Variants in NAALADL2 observed in about 807,000 individuals in gnomAD.
NAALADL2 encodes the protein inactive N-acetylated-alpha-linked acidic dipeptidase-like protein 2.
A neutral mutation model predicts 87.2 loss-of-function variants in NAALADL2; 76 were observed. That is an observed-to-expected ratio of 0.87 (90% CI 0.72 to 1.05). The LOEUF (loss-of-function observed/expected upper bound fraction) is 1.05. Ranked by LOEUF, NAALADL2 falls within the 50% of genes least tolerant of loss-of-function variation. The pLI, the probability that NAALADL2 is intolerant of heterozygous loss-of-function variation, is 0.00. For missense variants in NAALADL2, 1,089 were observed against 945.8 expected, an observed-to-expected ratio of 1.15 and a Z score of -1.99; for synonymous variants, 354 against 331.0, an observed-to-expected ratio of 1.07 and a Z score of -0.75.
Position 174,962,412 on chromosome 3 carries a change from C to CATATATATAT in NAALADL2, c.43+102973_43+102982dup, listed in dbSNP as rs59026426. On this transcript the variant is annotated intron_variant, in intron 1 of 13. Coordinates refer to ENST00000454872, the MANE Select transcript of NAALADL2 (RefSeq NM_207015.3). The stretch of plus-strand genomic sequence containing the variant: ...TATATATATGTCATAGTGACTATGA[C>CATATATATAT]ATATATATATATATATATATGTATA... Among the ~76,000 whole-genome samples the CATATATATAT allele has an allele frequency of 1.7e-3, 151 of 88,910 alleles. 1 individual carries two copies. Among genetic ancestry groups the CATATATATAT allele is most frequent in the African/African-American group, 8.0e-3 (145 of 18,052 alleles). The allele number at this position is 88,910 out of a possible 152,430, so 58.3% of individuals were successfully genotyped here. A position where few individuals can be genotyped will look rare whatever the true frequency, so the allele number is the denominator to read the frequency against.
At chr3:174,782,794 G>C (rs1716151447) in intron 3 of NAALADL2, among the ~76,000 whole-genome samples, 1 of 152,078 alleles carries the variant, frequency 6.6e-6, no homozygotes, top group Non-Finnish European at 1.5e-5. Context: ...ATCAGATCTT[G>C]TGAGAAGTCA....
intron 13 of NAALADL2, among the ~76,000 whole-genome samples, chr3:175,757,071 A>C (rs1054302870): frequency 6.6e-6 from 1 of 151,664 alleles, no homozygotes; most frequent in Non-Finnish European, 1.5e-5. Flanking sequence ...GTGAAAGTCC[A>C]AATTTGTGGC....
intron 12 of NAALADL2, among the ~76,000 whole-genome samples, chr3:175,740,843 C>T (rs1272255163): frequency 3.3e-5 from 5 of 152,138 alleles, no homozygotes; most frequent in East Asian, 3.9e-4. Context: ...ATTTGCACTG[C>T]GGACTCGCCC....
At chr3:174,806,751 A>G (rs1037980282) in intron 3 of NAALADL2, among the ~76,000 whole-genome samples, 3 of 152,170 alleles carry the variant, frequency 2.0e-5, no homozygotes, top group Non-Finnish European at 4.4e-5. Flanking sequence ...CAGAATTTTC[A>G]GAAAGACATT....
intron 1 of NAALADL2, among the ~76,000 whole-genome samples, chr3:174,524,947 T>G (rs113660559): frequency 6.6e-6 from 1 of 152,312 alleles, no homozygotes; most frequent in African/African-American, 2.4e-5. Flanking sequence ...TATGTTTAGA[T>G]GTACAAACAC....
At chr3:175,132,987 C>G (rs907125748) in intron 2 of NAALADL2, among the ~76,000 whole-genome samples, 4 of 151,118 alleles carry the variant, frequency 2.6e-5, no homozygotes, top group African/African-American at 7.3e-5. Context: ...CGGGCAGAGA[C>G]GCTCCTCACC....
chr3:175,062,854 G>C (rs1383666463), intron 1 of NAALADL2, among the ~76,000 whole-genome samples: 1 of 152,042 alleles, frequency 6.6e-6, no homozygotes, highest in Non-Finnish European at 1.5e-5. Flanking sequence ...AAAGATGAAA[G>C]TGCTCATAGG....
At chr3:174,967,535 C>T (rs1256403736) in intron 1 of NAALADL2, among the ~76,000 whole-genome samples, 1 of 152,150 alleles carries the variant, frequency 6.6e-6, no homozygotes, top group Non-Finnish European at 1.5e-5. Context: ...TTGACCAATG[C>T]TATTTCAGAA....
At chr3:175,279,749 C>CCAA (rs1353312429) in intron 4 of NAALADL2, among the ~76,000 whole-genome samples, 1 of 150,962 alleles carries the variant, frequency 6.6e-6, no homozygotes, top group East Asian at 2.0e-4. Flanking sequence ...TCTGAATTTT[C>CCAA]CAACAATCGC....
chr3:174,787,602 T>TATATATACGTATATATATATACAC (rs1553855433), intron 3 of NAALADL2, among the ~76,000 whole-genome samples: 1 of 73,370 alleles, frequency 1.4e-5, no homozygotes, highest in African/African-American at 4.3e-5. Flanking sequence ...TATATATATA[T>TATATATACGTATATATATATACAC]ATATATATAT....
At chr3:175,321,060 T>A (rs1357665108) in intron 4 of NAALADL2, among the ~76,000 whole-genome samples, 6 of 150,888 alleles carry the variant, frequency 4.0e-5, no homozygotes, top group African/African-American at 1.5e-4. Flanking sequence ...CCAATATCCT[T>A]GATGAACATT....
At position 174,798,794 on chromosome 3, in the gene NAALADL2, T is replaced by C. The variant is rs114585873; in HGVS notation, c.-9+61048T>C. ...GTATTCTGCTACCTTGCTGAATTCA[T>C]TTATTTATTAGTTCTAATAGTTCTT... On this transcript the variant is annotated intron_variant, in intron 3 of 3. Transcript: ENST00000434257. 2.6e-3 allele frequency among the ~76,000 whole-genome samples: 393 copies of C among 152,306 alleles called. 2 individuals are homozygous for C. Among genetic ancestry groups the C allele is most frequent in the African/African-American group, 9.1e-3 (378 of 41,576 alleles).
intron 5 of NAALADL2, among the ~76,000 whole-genome samples, chr3:175,374,305 G>A (rs990301795): frequency 6.6e-6 from 1 of 151,602 alleles, no homozygotes; most frequent in African/African-American, 2.4e-5. Flanking sequence ...TGCAATCTCA[G>A]CACTTTGGGA....
intron 1 of NAALADL2, among the ~76,000 whole-genome samples, chr3:174,885,247 A>G (rs944407151): frequency 6.6e-6 from 1 of 152,150 alleles, no homozygotes; most frequent in Non-Finnish European, 1.5e-5. Context: ...CACTCGCATG[A>G]TAAGATCTTG....
intron 2 of NAALADL2, among the ~76,000 whole-genome samples, chr3:175,122,941 G>A (rs1287771055): frequency 6.6e-6 from 1 of 151,870 alleles, no homozygotes; most frequent in Non-Finnish European, 1.5e-5. Context: ...GCAAGAGAAT[G>A]TCAGCAAGAG....
intron 1 of NAALADL2, among the ~76,000 whole-genome samples, chr3:174,972,996 C>A (rs1449798479): frequency 1.8e-3 from 224 of 127,658 alleles, no homozygotes; most frequent in Middle Eastern, 4.5e-3. Flanking sequence ...AACTCTGTCT[C>A]AAAAAAAAAA....
intron 1 of NAALADL2, among the ~76,000 whole-genome samples, chr3:174,959,589 T>C (rs1195087127): frequency 6.6e-6 from 1 of 152,040 alleles, no homozygotes; most frequent in Non-Finnish European, 1.5e-5. Context: ...CATTAAATGA[T>C]GATCTGGGAA....
chr3:175,322,469 A>G (rs1581413409), intron 4 of NAALADL2, among the ~76,000 whole-genome samples: 1 of 102,820 alleles, frequency 9.7e-6, no homozygotes, highest in African/African-American at 5.1e-5. Context: ...AATGGCAACA[A>G]AAGACAAAAT....
At chr3:175,180,496 CTGAAATCAAGATAA>C (rs1479375644) in intron 2 of NAALADL2, among the ~76,000 whole-genome samples, 1 of 151,858 alleles carries the variant, frequency 6.6e-6, no homozygotes, top group East Asian at 1.9e-4. Flanking sequence ...GAAGGCAAGA[CTGAAATCAAGATAA>C]TGAAATCAAG....
Sources: gnomAD v4.1 joint callset for allele counts (sites outside exome capture counted in the v4.1 genomes callset) on GRCh38, gnomAD v4.1.1 for gene constraint, MANE v1.5 for transcripts, NCBI Gene and HGNC (gene_info 2026-07-23, HGNC 2026-07-21) for gene names.